MYOF: variants seen among roughly 807,000 people sequenced by gnomAD.
The protein encoded by MYOF is fer-1-like 3, myoferlin.
In MYOF, 244 loss-of-function variants were observed where a neutral mutation model predicts 284.2. The ratio of observed to expected loss-of-function variants is 0.86; its 90% confidence interval spans 0.77 to 0.95. MYOF has a LOEUF of 0.95. Ranked by LOEUF, MYOF falls within the 40% of genes least tolerant of loss-of-function variation. MYOF has a pLI of 0.00. For missense variants in MYOF, 2,496 were observed against 2,560.6 expected (o/e 0.97, Z 0.54); for synonymous variants, 904 against 919.7 (o/e 0.98, Z 0.31).
At chr10:93,434,560 T>G (rs1436329730) in intron 3 of MYOF, among the ~76,000 whole-genome samples, 2 of 152,172 alleles carry the variant, frequency 1.3e-5, no homozygotes, top group East Asian at 3.8e-4. Context: ...CAGTCAATGC[T>G]GAGAATTGGT....
At chr10:93,467,193 T>A (rs183683642) in intron 1 of MYOF, among the ~76,000 whole-genome samples, 1,627 of 152,012 alleles carry the variant, frequency 0.011, 16 homozygotes, top group Non-Finnish European at 0.016. Context: ...TACTTTAAGT[T>A]TTAGGGTACA....
chr10:93,373,942 T>A (rs892655339), intron 23 of MYOF, among the ~76,000 whole-genome samples: 1 of 152,200 alleles, frequency 6.6e-6, no homozygotes. Flanking sequence ...ACATGTGCCA[T>A]GTTGGTTTGC....
At chr10:93,330,691 C>T (rs1843257684) in intron 43 of MYOF, among the ~76,000 whole-genome samples, 1 of 152,196 alleles carries the variant, frequency 6.6e-6, no homozygotes, top group African/African-American at 2.4e-5. Context: ...TGTATCTGCA[C>T]TATCCACAGA....
At chr10:93,356,980 G>C in intron 29 of MYOF, 132 bp from the exon 30 acceptor site, 2 of 956,738 alleles carry the variant, frequency 2.1e-6, no homozygotes, top group Non-Finnish European at 3.0e-6. Flanking sequence ...TACTGAGCTA[G>C]AGTCAGGAAT....
chr10:93,342,046 C>T lies in MYOF; in HGVS notation c.4326+1810G>A, dbSNP rs550506230. On this transcript the variant is annotated intron_variant, in intron 38 of 53. Coordinates refer to ENST00000359263, the MANE Select transcript of MYOF (RefSeq NM_013451.4). ...TCTGGCTAGCACTTGACCAATTTTCCCCGAAGACTTATTTCTCACTTTTCT... is the reference window on the plus strand; with the variant it reads ...TCTGGCTAGCACTTGACCAATTTTCTCCGAAGACTTATTTCTCACTTTTCT... The T allele has an allele frequency of 2.4e-5, 24 of 1,014,540 alleles. No homozygotes were observed. The African/African-American group carries it at 3.3e-4, about 14-fold the overall frequency. 62.8% of individuals were successfully genotyped at this position (1,014,540 alleles called of 1,614,324 possible).
At chr10:93,390,414 C>T (rs1462943284) in intron 17 of MYOF, among the ~76,000 whole-genome samples, 7 of 152,062 alleles carry the variant, frequency 4.6e-5, no homozygotes, top group Non-Finnish European at 8.8e-5. Context: ...TTAAGATGTA[C>T]AAAACTAGTG....
At chr10:93,392,574 A>G (rs531955869) in intron 17 of MYOF, among the ~76,000 whole-genome samples, 6 of 152,330 alleles carry the variant, frequency 3.9e-5, no homozygotes, top group African/African-American at 1.4e-4. Context: ...TACTTGATAC[A>G]TTTCAGAACA....
At chr10:93,403,389 A>T (rs1286330361) in intron 9 of MYOF, among the ~76,000 whole-genome samples, 1 of 152,150 alleles carries the variant, frequency 6.6e-6, no homozygotes, top group Non-Finnish European at 1.5e-5. Context: ...CAATGATCCC[A>T]TTTTACAGAT....
rs1485382666 is a variant in MYOF, at chr10:93,335,988, T to C, written c.4496A>G (p.Asp1499Gly). ...CTTGCCTCGGTACAACTTGAACGTA[T>C]CTGAGAAGTCTGTCAGGCCCTCAAA... ...AEFEGLTDFS[D>G]TFKLYRGKSD... is the part of the protein sequence containing the mutation. The change falls in exon 41 of 54, where the codon GAT (aspartate) becomes GGT (glycine). Residue 1499 changes from aspartate (D) to glycine (G), a missense_variant. Physicochemically the swap from Asp to Gly is moderately conservative, Grantham distance 94 (BLOSUM62 -1). This residue lies in a region of MYOF where 2,436 missense variants were observed against 2,480.7 expected (regional missense o/e 0.98). Transcript: ENST00000359263. The C allele has an allele frequency of 5.0e-6, 8 of 1,614,208 alleles. No individual in the cohort carries two copies. Among genetic ancestry groups the C allele is most frequent in the Non-Finnish European group, 6.8e-6 (8 of 1,180,028 alleles).
chr10:93,466,859 A>G (rs2057020027), intron 1 of MYOF, among the ~76,000 whole-genome samples: 1 of 152,068 alleles, frequency 6.6e-6, no homozygotes, highest in East Asian at 1.9e-4. Context: ...CTGTGGTCCC[A>G]ATTACTCACT....
rs182543591 is a variant in MYOF at position 93,399,499 on chromosome 10, G to A, written c.1118-4C>T. ...GTCTGTGAGAAGGCATCATCCACTG[G>A]AAGGTAATAGTTATACAGCAGAAAT... On this transcript the variant is annotated splice_region_variant and splice_polypyrimidine_tract_variant and intron_variant, in intron 12 of 53. Transcript: ENST00000359263. 7.6e-3 allele frequency: 12,198 copies of A among 1,597,558 alleles called. 66 individuals are homozygous for A. The highest frequency in any genetic ancestry group is 9.6e-3 in the Non-Finnish European group (11,252 of 1,168,002).
At position 93,431,461 on chromosome 10, in the gene MYOF, A is replaced by T. The variant is rs180853104; in HGVS notation, c.292T>A (p.Ser98Thr). 5.0e-3 allele frequency: 8,039 copies of T among 1,614,038 alleles called. 31 individuals are homozygous for T. Among genetic ancestry groups the T allele is most frequent in the Non-Finnish European group, 6.0e-3 (7,067 of 1,179,950 alleles). The change falls in exon 4 of 54, where the codon TCC (serine) becomes ACC (threonine). Residue 98 changes from serine to threonine, a missense_variant. This residue lies in a region of MYOF where 2,436 missense variants were observed against 2,480.7 expected (regional missense o/e 0.98). Transcript: ENST00000359263. The part of the protein sequence containing the change: ...LKDLTGDQSR[S>T]LPYKLISLLN... ...AGGGAGATCAGCTTGTACGGCAGGG[A>T]TCTGCTCTGGTCACCAGTCAGGTCC...
At chr10:93,403,975 A>G (rs1394009998) in intron 9 of MYOF, 48 bp downstream of exon 9, 1 of 1,586,696 alleles carries the variant, frequency 6.3e-7, no homozygotes, top group Admixed American at 1.7e-5. Context: ...CTATTATGAA[A>G]GTTCTCATCT....
At chr10:93,335,360 A>G (rs891329565) in intron 41 of MYOF, among the ~76,000 whole-genome samples, 4 of 152,138 alleles carry the variant, frequency 2.6e-5, no homozygotes, top group Non-Finnish European at 5.9e-5. Flanking sequence ...TGCCTTTGAA[A>G]GGAGTTGCGA....
At chr10:93,392,612 T>C (rs565613949) in intron 17 of MYOF, among the ~76,000 whole-genome samples, 11 of 152,330 alleles carry the variant, frequency 7.2e-5, no homozygotes, top group South Asian at 4.1e-4. Context: ...TTTCTCTACT[T>C]ACTGAACATA....
chr10:93,317,048 C>G (rs951660985), intron 49 of MYOF, among the ~76,000 whole-genome samples: 1 of 150,906 alleles, frequency 6.6e-6, no homozygotes, highest in Non-Finnish European at 1.5e-5. Context: ...CCTGCCATGT[C>G]CCTATCAGTG....
chr10:93,426,034 C>G lies in MYOF; in HGVS notation c.433+37G>C, dbSNP rs372810597. The G allele has an allele frequency of 2.6e-6, 4 of 1,542,268 alleles. No individual in the cohort carries two copies. In the African/African-American group the frequency reaches 5.5e-5, roughly 21 times the overall value. On this transcript the variant is annotated intron_variant, in intron 5 of 53. Coordinates refer to ENST00000359263, the MANE Select transcript of MYOF (RefSeq NM_013451.4). ...TCCTGTGTGTCTTTAGCAGCCTCCCCCTGGGGGTGGCTGGGCCTTCAGAAG... is the reference window on the plus strand; with the variant it reads ...TCCTGTGTGTCTTTAGCAGCCTCCCGCTGGGGGTGGCTGGGCCTTCAGAAG...
intron 3 of MYOF, among the ~76,000 whole-genome samples, chr10:93,433,801 C>T (rs536123291): frequency 6.6e-6 from 1 of 152,222 alleles, no homozygotes; most frequent in African/African-American, 2.4e-5. Context: ...AGCATAGGCA[C>T]ATCTTTTGGA....
intron 3 of MYOF, among the ~76,000 whole-genome samples, chr10:93,447,432 A>C (rs929797152): frequency 3.9e-5 from 6 of 152,110 alleles, no homozygotes; most frequent in African/African-American, 1.4e-4. Context: ...ATGGCACCTA[A>C]AGCCCCTGCA....
Sources: allele counts gnomAD v4.1 joint callset (sites outside exome capture counted in the v4.1 genomes callset), GRCh38; gene constraint gnomAD v4.1.1; regional missense constraint gnomAD v4.1.1; transcripts MANE v1.5; gene names NCBI Gene and HGNC (gene_info 2026-07-23, HGNC 2026-07-21).